The following SFXN5 variants were observed in gnomAD, a reference collection of about 807,000 sequenced individuals.
SFXN5 encodes the protein sideroflexin 5.
Under a neutral mutation model 50.2 loss-of-function variants are expected in SFXN5, and 43 were observed. That is an observed-to-expected ratio of 0.86 (90% CI 0.67 to 1.11). SFXN5 has a LOEUF of 1.11. Among genes scored for constraint, SFXN5 ranks in the 50% least tolerant of loss-of-function variants. SFXN5 has a pLI of 0.00. For missense variants in SFXN5, 463 were observed against 454.1 expected (o/e 1.02, Z -0.18); for synonymous variants, 203 against 185.8 (o/e 1.09, Z -0.75).
chr2:73,068,147 A>G (rs983256498), intron 1 of SFXN5, among the ~76,000 whole-genome samples: 1 of 152,116 alleles, frequency 6.6e-6, no homozygotes, highest in Non-Finnish European at 1.5e-5. Context: ...GGAGTTCTAG[A>G]GCGACTCCAG....
intron 6 of SFXN5, among the ~76,000 whole-genome samples, chr2:73,006,787 C>T (rs927968858): frequency 6.6e-6 from 1 of 152,188 alleles, no homozygotes; most frequent in Non-Finnish European, 1.5e-5. Flanking sequence ...ATGAATATGC[C>T]TTGAATTAAG....
intron 3 of SFXN5, among the ~76,000 whole-genome samples, chr2:73,024,414 T>C (rs912116836): frequency 2.0e-5 from 3 of 152,148 alleles, no homozygotes; most frequent in Admixed American, 2.0e-4. Context: ...CCCAACACTT[T>C]AGGAGGCCAA....
chr2:72,950,899 G>C lies in SFXN5; in HGVS notation c.946-5800C>G, dbSNP rs932148317. 1.3e-5 allele frequency among the ~76,000 whole-genome samples: 2 copies of C among 152,224 alleles called. No homozygotes were observed. Among genetic ancestry groups the C allele is most frequent in the Non-Finnish European group, 2.9e-5 (2 of 68,036 alleles). ...CGGGGATAAGGGGATGAGGAGAGAG[G>C]ACAAGGAGTGGCCATAGGGAGAAGG... On this transcript the variant is annotated intron_variant, in intron 13 of 13. Transcript: ENST00000272433. This position sits in a 1 kb window ranked among gnomAD's most constrained non-coding sequence, Gnocchi z 4.2.
intron 6 of SFXN5, among the ~76,000 whole-genome samples, chr2:73,014,133 G>A (rs1343918205): frequency 6.6e-6 from 1 of 152,106 alleles, no homozygotes; most frequent in African/African-American, 2.4e-5. Flanking sequence ...ACTAAGCCAT[G>A]ACTGATTCAT....
intron 13 of SFXN5, among the ~76,000 whole-genome samples, chr2:72,947,214 A>G (rs1358463793): frequency 6.6e-6 from 1 of 152,214 alleles, no homozygotes; most frequent in Non-Finnish European, 1.5e-5. Context: ...CTGTGTCCTC[A>G]AAGCCTAGCA....
intron 13 of SFXN5, among the ~76,000 whole-genome samples, chr2:72,956,703 C>T (rs1295849814): frequency 1.1e-4 from 17 of 152,186 alleles, no homozygotes; most frequent in Non-Finnish European, 2.9e-5. Flanking sequence ...CATTTCTCCA[C>T]CACAGCCAGG....
At chr2:73,050,301 C>T (rs1198455598) in intron 2 of SFXN5, among the ~76,000 whole-genome samples, 1 of 152,136 alleles carries the variant, frequency 6.6e-6, no homozygotes, top group African/African-American at 2.4e-5. Context: ...GCAGTGGTTC[C>T]ACACCTGCAG....
At position 72,945,711 on chromosome 2, in the gene SFXN5, C is replaced by G. The variant is rs1470621046; in HGVS notation, c.946-612G>C. On this transcript the variant is annotated intron_variant, in intron 13 of 13. Coordinates refer to ENST00000272433, the MANE Select transcript of SFXN5 (RefSeq NM_144579.3). The surrounding 1 kb of genome is among the most constrained non-coding windows in gnomAD (Gnocchi z 5.8). ...GTCCCTCCCACGCTGCTGGCAGAAG[C>G]CCTGCTTCGGAGAACCCCACCATGC... Among the ~76,000 whole-genome samples the G allele has an allele frequency of 6.6e-6, 1 of 152,094 alleles. No homozygotes were observed. The highest frequency in any genetic ancestry group is 1.5e-5 in the Non-Finnish European group (1 of 67,996).
intron 3 of SFXN5, among the ~76,000 whole-genome samples, chr2:73,034,496 T>A (rs1300615180): frequency 2.0e-5 from 3 of 152,194 alleles, no homozygotes; most frequent in African/African-American, 7.2e-5. Context: ...TCCCAGCAGC[T>A]CTTTCTCCTA....
intron 6 of SFXN5, among the ~76,000 whole-genome samples, chr2:73,006,168 C>G (rs982728098): frequency 6.6e-6 from 1 of 152,024 alleles, no homozygotes; most frequent in Non-Finnish European, 1.5e-5. Flanking sequence ...AGAAGACATC[C>G]CTGACAAATC....
chr2:72,945,937 C>T lies in SFXN5; in HGVS notation c.946-838G>A, dbSNP rs968133091. Among the ~76,000 whole-genome samples the T allele has an allele frequency of 3.3e-5, 5 of 152,148 alleles. No homozygotes were observed. The South Asian group carries it at 6.2e-4, about 19-fold the overall frequency. ...CTTGGCCACCCACCCCCTGCTCCCACGCATCCTGGGCAGGTGACACTTCCT... is the reference window on the plus strand; with the variant it reads ...CTTGGCCACCCACCCCCTGCTCCCATGCATCCTGGGCAGGTGACACTTCCT... On this transcript the variant is annotated intron_variant, in intron 13 of 13. Coordinates refer to ENST00000272433, the MANE Select transcript of SFXN5 (RefSeq NM_144579.3). The surrounding 1 kb of genome is among the most constrained non-coding windows in gnomAD (Gnocchi z 5.8).
intron 9 of SFXN5, among the ~76,000 whole-genome samples, chr2:72,989,068 C>T (rs1024061830): frequency 1.1e-4 from 16 of 152,234 alleles, no homozygotes; most frequent in African/African-American, 3.9e-4. Flanking sequence ...CAGCTCCTCT[C>T]TATGACCAAC....
At chr2:73,019,418 CTTTT>C (rs1311346600) in intron 6 of SFXN5, 5 of 129,870 alleles carry the variant, frequency 3.9e-5, no homozygotes. Context: ...GCTTGCTTTT[CTTTT>C]TTTTTTTTCT....
intron 6 of SFXN5, among the ~76,000 whole-genome samples, chr2:73,019,154 T>C (rs1676518676): frequency 6.6e-6 from 1 of 152,096 alleles, no homozygotes; most frequent in African/African-American, 2.4e-5. Flanking sequence ...AATCTCACAA[T>C]GTGGAGTAAA....
At chr2:73,007,543 C>T (rs1406977655) in intron 6 of SFXN5, among the ~76,000 whole-genome samples, 1 of 152,086 alleles carries the variant, frequency 6.6e-6, no homozygotes, top group Non-Finnish European at 1.5e-5. Context: ...GTACCATTCA[C>T]CTCATCAGCA....
chr2:72,978,201 T>C (rs972002803), intron 10 of SFXN5, among the ~76,000 whole-genome samples: 1 of 151,926 alleles, frequency 6.6e-6, no homozygotes, highest in Non-Finnish European at 1.5e-5. Flanking sequence ...TAAGAAAAGG[T>C]TCCCAACTAT....
chr2:73,058,558 G>C lies in SFXN5; in HGVS notation c.141C>G (p.Ile47Met). The C allele has an allele frequency of 6.2e-7, 1 of 1,614,098 alleles. No individual in the cohort carries two copies. ...FYGRFRHFLDIIDPRTLFVTE... is the reference protein window; with the variant it reads ...FYGRFRHFLDMIDPRTLFVTE... ...TGACAAAGAGTGTGCGAGGGTCGAT[G>C]ATATCCAAGAAGTGCCTGAAGCGGC... is the stretch of plus-strand genomic sequence containing the variant. Residue 47 changes from isoleucine (I) to methionine (M), a missense_variant, in exon 2 of 14, where the codon ATC becomes ATG. Transcript: ENST00000272433.
intron 12 of SFXN5, among the ~76,000 whole-genome samples, chr2:72,965,161 G>A (rs775659384): frequency 7.9e-5 from 12 of 152,304 alleles, no homozygotes; most frequent in Middle Eastern, 3.4e-3. Flanking sequence ...ACACACAAGC[G>A]GCTGGACAGC....
At chr2:72,993,265 G>A (rs999538983) in intron 9 of SFXN5, among the ~76,000 whole-genome samples, 2 of 152,146 alleles carry the variant, frequency 1.3e-5, no homozygotes, top group African/African-American at 4.8e-5. Context: ...TCCACCAGAG[G>A]GCACACTTAG....
Sources: allele counts gnomAD v4.1 joint callset (sites outside exome capture counted in the v4.1 genomes callset), GRCh38; gene constraint gnomAD v4.1.1; non-coding constraint Gnocchi (gnomAD v3.1); transcripts MANE v1.5; gene names NCBI Gene and HGNC (gene_info 2026-07-23, HGNC 2026-07-21).